The following TET2 variants were observed in gnomAD, a reference collection of about 807,000 sequenced individuals.
TET2 encodes the protein methylcytosine dioxygenase TET2.
In TET2, 299 loss-of-function variants were observed where a neutral mutation model predicts 142.9. The ratio of observed to expected loss-of-function variants is 2.09; its 90% CI spans 1.90 to 2.30. The LOEUF (loss-of-function observed/expected upper bound fraction) is 2.30, where lower values mean the gene tolerates loss of function less well. TET2 is among the 30% of genes most tolerant of loss of function. The pLI is 0.00. For synonymous variants in TET2, 819 were observed against 849.0 expected (o/e 0.96, Z 0.61); for missense variants, 2,418 against 2,378.0 (o/e 1.02, Z -0.35).
intron 2 of TET2, among the ~76,000 whole-genome samples, chr4:105,193,091 G>A (rs1725880381): frequency 6.6e-6 from 1 of 152,142 alleles, no homozygotes; most frequent in Non-Finnish European, 1.5e-5. Flanking sequence ...AACTTTGGAA[G>A]TTGAATAGCA....
chr4:105,184,823 G>T (rs561872553), intron 1 of TET2, among the ~76,000 whole-genome samples: 1 of 152,140 alleles, frequency 6.6e-6, no homozygotes, highest in Non-Finnish European at 1.5e-5. Context: ...GTGCTGATTA[G>T]TGAACTCCAG....
At chr4:105,248,682 T>G (rs1417050573) in intron 6 of TET2, among the ~76,000 whole-genome samples, 1 of 152,198 alleles carries the variant, frequency 6.6e-6, no homozygotes, top group Admixed American at 6.5e-5. Flanking sequence ...AAATTTACCC[T>G]TTTAAAGTAT....
intron 1 of TET2, among the ~76,000 whole-genome samples, chr4:105,189,204 GATAATA>G (rs142863568): frequency 6.6e-6 from 1 of 151,854 alleles, no homozygotes; most frequent in African/African-American, 2.4e-5. Context: ...TGATGATAAT[GATAATA>G]ATAATGATCT....
At chr4:105,186,771 C>T (rs1348384443) in intron 1 of TET2, among the ~76,000 whole-genome samples, 2 of 152,112 alleles carry the variant, frequency 1.3e-5, no homozygotes, top group Non-Finnish European at 2.9e-5. Flanking sequence ...CGCGGCCTGG[C>T]TTCATGATCC....
chr4:105,159,870 G>A (rs1723756971), intron 1 of TET2, among the ~76,000 whole-genome samples: 1 of 152,138 alleles, frequency 6.6e-6, no homozygotes, highest in Non-Finnish European at 1.5e-5. Context: ...TGGGCGTGGT[G>A]GCGGGCGCCT....
chr4:105,274,771 T>C (rs1301157922), intron 10 of TET2, among the ~76,000 whole-genome samples: 2 of 152,090 alleles, frequency 1.3e-5, no homozygotes, highest in African/African-American at 2.4e-5. Context: ...AGCAGAGGCA[T>C]GTTCAGAAGT....
Position 105,278,189 on chromosome 4 carries a change from T to TAC in TET2, c.*1671_*1672insCA, listed in dbSNP as rs1209065571. 31 of 157,100 alleles carry TAC rather than the reference T, an allele frequency of 2.0e-4. 1 individual carries two copies. Among genetic ancestry groups the TAC allele is most frequent in the African/African-American group, 7.8e-4 (30 of 38,230 alleles). 9.7% of individuals were successfully genotyped at this position (157,100 alleles called of 1,614,324 possible). The stretch of plus-strand genomic sequence containing the variant: ...ATATATACATATATATATATATATA[T>TAC]ATATATATATATATGAGTTTGAAGC... On this transcript the variant is annotated 3_prime_UTR_variant, in exon 11 of 11. Coordinates refer to ENST00000380013, the MANE Select transcript of TET2 (RefSeq NM_001127208.3).
intron 1 of TET2, among the ~76,000 whole-genome samples, chr4:105,168,548 A>T (rs1208916842): frequency 6.6e-6 from 1 of 151,956 alleles, no homozygotes; most frequent in Non-Finnish European, 1.5e-5. Flanking sequence ...AACTCTGACT[A>T]TTGACCTTGC....
At chr4:105,243,913 T>A (rs1053280991) in intron 6 of TET2, 135 bp downstream of exon 6, 1 of 729,676 alleles carries the variant, frequency 1.4e-6, no homozygotes, top group South Asian at 1.8e-5. Context: ...TTGGCAGTCA[T>A]GCGATAAGAA....
At chr4:105,163,832 AGAGAGAGAGAGAGAGAGAGAGAGTGTGT>A (rs1407792482) in intron 1 of TET2, among the ~76,000 whole-genome samples, 6 of 148,632 alleles carry the variant, frequency 4.0e-5, no homozygotes, top group African/African-American at 1.2e-4. Context: ...AGAGAGAGAG[AGAGAGAGAGAGAGAGAGAGAGAGTGTGT>A]GTGTGTGTGT....
At chr4:105,163,806 CGAGAGAGAGAGAGAGA>C (rs59658275) in intron 1 of TET2, among the ~76,000 whole-genome samples, 5,878 of 79,782 alleles carry the variant, frequency 0.074, 251 homozygotes, top group Admixed American at 0.15. Flanking sequence ...TCGAAAGTTT[CGAGAGAGAGAGAGAGA>C]GAGAGAGAGA....
chr4:105,237,302 G>T lies in TET2; in HGVS notation c.3360G>T (p.Leu1120Phe), dbSNP rs1729011648. The T allele has an allele frequency of 1.9e-6, 3 of 1,613,926 alleles. No homozygotes were observed. The highest frequency in any genetic ancestry group is 2.5e-6 in the Non-Finnish European group (3 of 1,179,966). The change falls in exon 3 of 11, where the codon TTG becomes TTT. Residue 1120 changes from leucine to phenylalanine, a missense_variant. Leu to Phe is a conservative substitution (Grantham distance 22). Coordinates refer to ENST00000380013, the MANE Select transcript of TET2 (RefSeq NM_001127208.3). ...KLLDTPIKNL[L>F]DTPVKTQYDF... ...TAGATACTCCTATAAAAAATTTATTGGATACACCTGTCAAGACTCAATATG... is the reference window on the plus strand; with the variant it reads ...TAGATACTCCTATAAAAAATTTATTTGATACACCTGTCAAGACTCAATATG...
chr4:105,161,121 C>T (rs1723836078), intron 1 of TET2, among the ~76,000 whole-genome samples: 2 of 152,130 alleles, frequency 1.3e-5, no homozygotes, highest in Admixed American at 1.3e-4. Flanking sequence ...ATTATCTGAC[C>T]GAATCTATTA....
intron 1 of TET2, among the ~76,000 whole-genome samples, chr4:105,188,529 A>G (rs1034677496): frequency 1.3e-5 from 2 of 152,232 alleles, no homozygotes; most frequent in African/African-American, 2.4e-5. Context: ...ACTTTGTTAC[A>G]TACATTTTAT....
intron 2 of TET2, among the ~76,000 whole-genome samples, chr4:105,224,683 A>AGTCTCTCTCT (rs1728064301): frequency 2.8e-5 from 1 of 35,424 alleles, no homozygotes; most frequent in Admixed American, 2.6e-4. Flanking sequence ...CATATCAGCC[A>AGTCTCTCTCT]GTCTCTCTCT....
chr4:105,272,494 G>C, intron 9 of TET2, 70 bp from the exon 10 acceptor site: 1 of 1,031,406 alleles, frequency 9.7e-7, no homozygotes, highest in Non-Finnish European at 1.4e-6. Flanking sequence ...AGAGGAGAAA[G>C]ATACACACAC....
chr4:105,229,531 G>A (rs186116565), intron 2 of TET2, among the ~76,000 whole-genome samples: 6 of 151,674 alleles, frequency 4.0e-5, no homozygotes, highest in Non-Finnish European at 5.9e-5. Context: ...AGATGGTCTC[G>A]ATCTCTTGAC....
intron 8 of TET2, among the ~76,000 whole-genome samples, chr4:105,268,786 A>G (rs1730811940): frequency 6.6e-6 from 1 of 152,208 alleles, no homozygotes; most frequent in South Asian, 2.1e-4. Context: ...AGCCTGGCCA[A>G]CATGGCAAAA....
intron 1 of TET2, among the ~76,000 whole-genome samples, chr4:105,155,225 A>G (rs1049175725): frequency 2.0e-5 from 3 of 152,242 alleles, no homozygotes; most frequent in African/African-American, 7.2e-5. Flanking sequence ...GTCATGTTTC[A>G]GATTTTAAAG....
Sources: gnomAD v4.1 joint callset for allele counts (sites outside exome capture counted in the v4.1 genomes callset) on GRCh38, gnomAD v4.1.1 for gene constraint, MANE v1.5 for transcripts, NCBI Gene and HGNC (gene_info 2026-07-23, HGNC 2026-07-21) for gene names.